Variants in LY96 observed in about 807,000 individuals in gnomAD.
LY96 encodes lymphocyte antigen 96, also known as myeloid differentiation protein-2.
In LY96, 18 loss-of-function variants were observed where a neutral mutation model predicts 18.9. The ratio of observed to expected loss-of-function variants is 0.95; its 90% CI spans 0.66 to 1.41. The LOEUF (loss-of-function observed/expected upper bound fraction) is 1.41. Among genes scored for constraint, LY96 ranks in the 40% most tolerant of loss-of-function variants. The pLI is 0.00. For missense variants in LY96, 175 were observed against 182.4 expected (o/e 0.96, Z 0.23); for synonymous variants, 66 against 62.6 (o/e 1.06, Z -0.26).
intron 2 of LY96, among the ~76,000 whole-genome samples, chr8:74,008,895 G>T (rs1044318734): frequency 3.3e-4 from 50 of 152,158 alleles, no homozygotes; most frequent in African/African-American, 1.2e-3. Context: ...CAGAGAGATT[G>T]GAGGACACCT....
chr8:74,014,906 C>T (rs1816612290), intron 3 of LY96, among the ~76,000 whole-genome samples: 4 of 151,778 alleles, frequency 2.6e-5, no homozygotes, highest in Admixed American at 6.6e-5. Flanking sequence ...TTCAAAGCAT[C>T]TTAAATTTAA....
the LY96 span, among the ~76,000 whole-genome samples, chr8:74,070,617 A>G: frequency 1.3e-5 from 2 of 152,166 alleles, no homozygotes; most frequent in East Asian, 3.9e-4. Context: ...TCCCTTTGTT[A>G]TGAGTCCATT....
At chr8:74,026,761 C>A (rs780037678) in intron 3 of LY96, 28 bp from the exon 4 acceptor site, 19 of 1,335,540 alleles carry the variant, frequency 1.4e-5, no homozygotes, top group Non-Finnish European at 2.0e-5. Flanking sequence ...TGACCAATAA[C>A]GTTTTGTATT....
intron 3 of LY96, among the ~76,000 whole-genome samples, chr8:74,017,851 T>C (rs1464184606): frequency 6.6e-6 from 1 of 152,168 alleles, no homozygotes; most frequent in East Asian, 1.9e-4. Context: ...AAGCAAATGC[T>C]GAGAGATTTT....
At chr8:74,057,157 CCA>C in the LY96 span, among the ~76,000 whole-genome samples, 4 of 152,132 alleles carry the variant, frequency 2.6e-5, no homozygotes, top group Admixed American at 6.5e-5. Flanking sequence ...ATCACACTCT[CCA>C]CACAGACAGT....
the LY96 span, among the ~76,000 whole-genome samples, chr8:74,085,843 A>G: frequency 1.3e-5 from 2 of 152,234 alleles, no homozygotes; most frequent in Non-Finnish European, 2.9e-5. Flanking sequence ...CAATCAAGTT[A>G]GTTAGCATAT....
chr8:74,088,185 A>G, the LY96 span, among the ~76,000 whole-genome samples: 2 of 146,554 alleles, frequency 1.4e-5, no homozygotes, highest in South Asian at 4.3e-4. Flanking sequence ...GCTTAACCAC[A>G]TCTTACTATT....
At chr8:73,996,983 A>C (rs1816162468) in intron 1 of LY96, among the ~76,000 whole-genome samples, 1 of 151,204 alleles carries the variant, frequency 6.6e-6, no homozygotes, top group Non-Finnish European at 1.5e-5. Flanking sequence ...GACCTCAGAC[A>C]ATCCACCCGC....
chr8:74,060,049 G>A, the LY96 span, among the ~76,000 whole-genome samples: 1 of 152,146 alleles, frequency 6.6e-6, no homozygotes, highest in African/African-American at 2.4e-5. Flanking sequence ...TGAGGTGAGA[G>A]CCCAGGGGGC....
chr8:74,058,611 C>A, the LY96 span, among the ~76,000 whole-genome samples: 3 of 151,970 alleles, frequency 2.0e-5, no homozygotes, highest in Non-Finnish European at 2.9e-5. Flanking sequence ...CCTCCACCTC[C>A]TGGTTTCTAG....
At chr8:74,023,309 G>C (rs1478702586) in intron 3 of LY96, among the ~76,000 whole-genome samples, 1 of 152,110 alleles carries the variant, frequency 6.6e-6, no homozygotes, top group Non-Finnish European at 1.5e-5. Context: ...TGCCCTACCT[G>C]GGCTGGCAGC....
chr8:74,039,978 C>A, the LY96 span, among the ~76,000 whole-genome samples: 1 of 152,278 alleles, frequency 6.6e-6, no homozygotes, highest in South Asian at 2.1e-4. Flanking sequence ...CTTTTGCAGT[C>A]TGCTAAGTAA....
the LY96 span, among the ~76,000 whole-genome samples, chr8:74,050,627 G>A: frequency 1.8e-4 from 28 of 152,124 alleles, no homozygotes; most frequent in East Asian, 4.4e-3. Context: ...ATTTCTTAAC[G>A]TTGTTTTCAT....
At chr8:74,000,607 C>T (rs914400349) in intron 1 of LY96, among the ~76,000 whole-genome samples, 2 of 152,196 alleles carry the variant, frequency 1.3e-5, no homozygotes, top group African/African-American at 4.8e-5. Flanking sequence ...CAAACTCTTC[C>T]AGCCTCTGCC....
At chr8:74,049,705 C>T in the LY96 span, among the ~76,000 whole-genome samples, 6 of 152,128 alleles carry the variant, frequency 3.9e-5, no homozygotes, top group Admixed American at 1.3e-4. Flanking sequence ...AAACCTCAGC[C>T]TTCCATGAGA....
At chr8:74,063,352 A>G in the LY96 span, among the ~76,000 whole-genome samples, 1 of 152,216 alleles carries the variant, frequency 6.6e-6, no homozygotes, top group African/African-American at 2.4e-5. Context: ...ATCATACTCA[A>G]GGAGAGGAGA....
the LY96 span, among the ~76,000 whole-genome samples, chr8:74,081,419 C>A: frequency 1.3e-5 from 2 of 151,576 alleles, no homozygotes; most frequent in Admixed American, 1.3e-4. Context: ...CTGTGCCTGG[C>A]TAATTTAAAA....
At chr8:73,996,608 G>A (rs1052749059) in intron 1 of LY96, among the ~76,000 whole-genome samples, 1 of 151,268 alleles carries the variant, frequency 6.6e-6, no homozygotes, top group South Asian at 2.1e-4. Flanking sequence ...TAGTAGAGAC[G>A]GGGTTTCACC....
In LY96 at chr8:73,991,540, C is replaced by T. The variant is rs754376318; in HGVS notation, c.98C>T (p.Ser33Leu). The T allele has an allele frequency of 6.3e-7, 1 of 1,595,776 alleles. No homozygotes were observed. The highest frequency in any genetic ancestry group is 1.7e-5 in the Admixed American group (1 of 59,980). The change falls in exon 1 of 5, where the codon TCA becomes TTA. Residue 33 changes from serine (S) to leucine (L), a missense_variant. Physicochemically the swap from Ser to Leu is moderately radical, Grantham distance 145 (BLOSUM62 -2). Transcript: ENST00000284818. ...WVCNSSDASI[S>L]YTYCDKMQYP... is the part of the protein sequence containing the mutation. Reference sequence around the variant, plus strand: ...TGCAACTCATCCGATGCAAGTATTTCATACACCTACTGTGGTAAGTAAAAC... The same window carrying T: ...TGCAACTCATCCGATGCAAGTATTTTATACACCTACTGTGGTAAGTAAAAC...
Sources: allele counts gnomAD v4.1 joint callset (sites outside exome capture counted in the v4.1 genomes callset), GRCh38; gene constraint gnomAD v4.1.1; transcripts MANE v1.5; gene names NCBI Gene and HGNC (gene_info 2026-07-23, HGNC 2026-07-21).